Variants in RETREG3 observed in about 807,000 individuals in gnomAD.
The protein encoded by RETREG3 is reticulophagy regulator family member 3.
A neutral mutation model predicts 50.2 loss-of-function variants in RETREG3; 23 were observed. That is an observed-to-expected ratio of 0.46 (90% CI 0.33 to 0.65). The LOEUF (loss-of-function observed/expected upper bound fraction) is 0.65, where lower values mean the gene tolerates loss of function less well. RETREG3 is among the 30% of genes least tolerant of loss of function. The pLI, the probability that RETREG3 is intolerant of heterozygous loss-of-function variation, is 0.02. For synonymous variants in RETREG3, 240 were observed against 234.4 expected (o/e 1.02, Z -0.22); for missense variants, 546 against 598.0 (o/e 0.91, Z 0.91).
Position 42,582,777 on chromosome 17 carries a change from C to T in RETREG3, c.840G>A (p.Leu280=). The T allele has an allele frequency of 6.2e-7, 1 of 1,614,190 alleles. No individual in the cohort carries two copies. The highest frequency in any genetic ancestry group is 8.5e-7 in the Non-Finnish European group (1 of 1,180,046). ...CTGAGTGCTCAGAGTCTGTGATGGC[C>T]AATTCCCTGGCAACAGTAGAATCGT... ...QLDDSTVARE[L]AITDSEHSDA... is the part of the protein sequence containing the mutation. Residue 280 remains leucine (L), a synonymous_variant, in exon 8 of 9, where the codon TTG becomes TTA. Coordinates refer to ENST00000309428, the MANE Select transcript of RETREG3 (RefSeq NM_178126.4).
chr17:42,607,253 C>T (rs1166384482), intron 1 of RETREG3, among the ~76,000 whole-genome samples: 3 of 151,888 alleles, frequency 2.0e-5, no homozygotes. Flanking sequence ...AATCCCAGCA[C>T]TCTGGGAGCC....
Position 42,581,719 on chromosome 17 carries a change from G to C in RETREG3, c.*94C>G. 8.7e-7 allele frequency: 1 copy of C among 1,147,490 alleles called. No homozygotes were observed. The highest frequency in any genetic ancestry group is 1.2e-6 in the Non-Finnish European group (1 of 828,490). 71.1% of individuals were successfully genotyped at this position (1,147,490 alleles called of 1,614,324 possible). On this transcript the variant is annotated 3_prime_UTR_variant, in exon 9 of 9. Transcript: ENST00000309428. ...CCCAGCATACAAATATAATTCAGGG[G>C]AGGGGAGCTGAGTTCTTCCCTTGCC...
rs751445516 is a variant in RETREG3, at chr17:42,609,215, G to A, written c.110C>T (p.Ala37Val). ...GSWERDQQVE[A>V]AQRALVEVLG... is the part of the protein sequence containing the mutation. ...CACCTCCACCAGGGCCCGCTGCGCC[G>A]CCTCAACCTGCTGGTCCCGCTCCCA... The change falls in exon 1 of 9, where the codon GCG becomes GTG. Residue 37 changes from alanine to valine, a missense_variant. Coordinates refer to ENST00000309428, the MANE Select transcript of RETREG3 (RefSeq NM_178126.4). 27 of 1,608,504 alleles carry A rather than the reference G, an allele frequency of 1.7e-5. No individual in the cohort carries two copies. In the Middle Eastern group the frequency reaches 6.6e-4, roughly 39 times the overall value.
intron 1 of RETREG3, among the ~76,000 whole-genome samples, chr17:42,607,875 C>T (rs912145713): frequency 6.6e-6 from 1 of 151,838 alleles, no homozygotes; most frequent in African/African-American, 2.4e-5. Context: ...AGTTTACCAT[C>T]GAGTTTGCTA....
chr17:42,603,068 T>A (rs941691231), intron 1 of RETREG3, among the ~76,000 whole-genome samples: 2 of 152,116 alleles, frequency 1.3e-5, no homozygotes, highest in African/African-American at 4.8e-5. Flanking sequence ...TTTTGTGAAC[T>A]GTCCCTCCAC....
In RETREG3 at chr17:42,584,589, C is replaced by T. The variant is rs892665425; in HGVS notation, c.727+536G>A. Reference sequence around the variant, plus strand: ...CTTTGGAACGCCAAGGCAGGAGGATCGCTTGAGCCCAGGAGTTCAGGATCA... The same window carrying T: ...CTTTGGAACGCCAAGGCAGGAGGATTGCTTGAGCCCAGGAGTTCAGGATCA... On this transcript the variant is annotated intron_variant, in intron 6 of 8. Coordinates refer to ENST00000309428, the MANE Select transcript of RETREG3 (RefSeq NM_178126.4). 9.2e-5 allele frequency among the ~76,000 whole-genome samples: 14 copies of T among 152,142 alleles called. No individual in the cohort carries two copies. The South Asian group carries it at 1.2e-3, about 14-fold the overall frequency.
intron 1 of RETREG3, chr17:42,608,812 CTT>C (rs1426819138): frequency 6.5e-6 from 3 of 461,754 alleles, no homozygotes; most frequent in East Asian, 3.7e-5. Context: ...CTCGCTCACT[CTT>C]GAGCGGCTCA....
Position 42,595,030 on chromosome 17 carries a change from G to A in RETREG3, c.240-2868C>T, listed in dbSNP as rs564600997. Among the ~76,000 whole-genome samples, 17 of 139,790 alleles carry A rather than the reference G, an allele frequency of 1.2e-4. No homozygotes were observed. In the South Asian group the frequency reaches 2.4e-3, roughly 20 times the overall value. The allele number at this position is 139,790 out of a possible 152,430, so 91.7% of individuals were successfully genotyped here. On this transcript the variant is annotated intron_variant, in intron 1 of 8. Transcript: ENST00000309428. ...TGCCCAGGCTGGAGTGCAATGGCGC[G>A]ATCTTGGCTCACTGCAACCTCCACC...
intron 1 of RETREG3, among the ~76,000 whole-genome samples, chr17:42,597,638 TTTTTTTTTTGAGACA>T (rs2093150056): frequency 1.5e-5 from 1 of 65,420 alleles, no homozygotes; most frequent in Non-Finnish European, 3.0e-5. Context: ...TTTTTTTTTT[TTTTTTTTTTGAGACA>T]GAGTCTCACT....
At chr17:42,594,873 C>T (rs1195110485) in intron 1 of RETREG3, among the ~76,000 whole-genome samples, 1 of 151,204 alleles carries the variant, frequency 6.6e-6, no homozygotes, top group Admixed American at 6.6e-5. Context: ...TACATACATA[C>T]GTTTATCCGG....
chr17:42,589,179 TTAGA>T (rs1253810898), intron 2 of RETREG3, among the ~76,000 whole-genome samples: 1 of 152,092 alleles, frequency 6.6e-6, no homozygotes, highest in East Asian at 1.9e-4. Flanking sequence ...TCACCAGCCA[TTAGA>T]TAGGCAGATG....
chr17:42,590,543 G>A (rs897360746), intron 2 of RETREG3, among the ~76,000 whole-genome samples: 3 of 152,068 alleles, frequency 2.0e-5, no homozygotes. Flanking sequence ...ATGGTGGCAA[G>A]TGCCTATAGT....
chr17:42,593,994 A>G (rs2093138558), intron 1 of RETREG3, among the ~76,000 whole-genome samples: 1 of 151,982 alleles, frequency 6.6e-6, no homozygotes, highest in Non-Finnish European at 1.5e-5. Flanking sequence ...AGCTCGAGAC[A>G]AGCCTCGGCA....
rs1331010297 is a variant in RETREG3 at position 42,598,012 on chromosome 17, C to T, written c.240-5850G>A. ...TTTTTTTTTTTTTGAGACGGAGTCT[C>T]GCTCTGTTGCCCAGGCTGGAGTACA... On this transcript the variant is annotated intron_variant, in intron 1 of 8. Transcript: ENST00000309428. 6.9e-5 allele frequency among the ~76,000 whole-genome samples: 9 copies of T among 130,308 alleles called. No homozygotes were observed. In the East Asian group the frequency reaches 9.3e-4, roughly 13 times the overall value. The allele number at this position is 130,308 out of a possible 152,430, so 85.5% of individuals were successfully genotyped here.
intron 1 of RETREG3, among the ~76,000 whole-genome samples, chr17:42,604,585 G>T (rs903615057): frequency 6.6e-6 from 1 of 151,522 alleles, no homozygotes; most frequent in Non-Finnish European, 1.5e-5. Flanking sequence ...CAAGAGGACT[G>T]CTGGAGCCCA....
chr17:42,596,574 T>C (rs901313453), intron 1 of RETREG3: 2 of 152,050 alleles, frequency 1.3e-5, no homozygotes, highest in Admixed American at 6.6e-5. Context: ...TTACATCTTG[T>C]CCATCCACAT....
chr17:42,591,412 C>T (rs2093132938), intron 2 of RETREG3, among the ~76,000 whole-genome samples: 2 of 151,414 alleles, frequency 1.3e-5, no homozygotes, highest in South Asian at 2.1e-4. Flanking sequence ...ACGATCTCGG[C>T]TCACTGCAAC....
chr17:42,582,362 T>C, intron 8 of RETREG3, 92 bp from the exon 9 acceptor site: 2 of 1,277,638 alleles, frequency 1.6e-6, no homozygotes, highest in Non-Finnish European at 2.2e-6. Context: ...ACCCTGGCTT[T>C]CTCAGGGCGA....
intron 1 of RETREG3, among the ~76,000 whole-genome samples, chr17:42,605,990 CAAAAAAAAAA>C (rs764477176): frequency 1.5e-5 from 1 of 65,066 alleles, no homozygotes; most frequent in Middle Eastern, 8.2e-3. Context: ...GACTCCATCT[CAAAAAAAAAA>C]AAAAAAAAAA....
Sources: allele counts gnomAD v4.1 joint callset (sites outside exome capture counted in the v4.1 genomes callset), GRCh38; gene constraint gnomAD v4.1.1; transcripts MANE v1.5; gene names NCBI Gene and HGNC (gene_info 2026-07-23, HGNC 2026-07-21).